Variants in TBC1D4 observed in about 807,000 individuals in gnomAD.
TBC1D4 encodes the protein TBC1 domain family member 4.
A neutral mutation model predicts 142.5 loss-of-function variants in TBC1D4; 121 were observed. The ratio of observed to expected loss-of-function variants is 0.85; its 90% CI spans 0.73 to 0.99. The LOEUF (loss-of-function observed/expected upper bound fraction) is 0.99, where lower values mean the gene tolerates loss of function less well. Ranked by LOEUF, TBC1D4 falls within the 50% of genes least tolerant of loss-of-function variation. TBC1D4 has a pLI of 0.00. For synonymous variants in TBC1D4, 630 were observed against 628.2 expected (o/e 1.00, Z -0.04); for missense variants, 1,475 against 1,606.6 (o/e 0.92, Z 1.40).
intron 12 of TBC1D4, among the ~76,000 whole-genome samples, chr13:75,315,397 TAC>T (rs1555302436): frequency 1.9e-5 from 2 of 103,714 alleles, no homozygotes; most frequent in South Asian, 7.5e-4. Context: ...CATATATATA[TAC>T]ACACATATAT....
chr13:75,402,381 C>T (rs757971440), intron 1 of TBC1D4, among the ~76,000 whole-genome samples: 25 of 152,066 alleles, frequency 1.6e-4, no homozygotes, highest in Non-Finnish European at 2.8e-4. Context: ...CTTAAGCTTT[C>T]GTTGAAACAT....
chr13:75,436,605 C>T (rs925059805), intron 1 of TBC1D4, among the ~76,000 whole-genome samples: 5 of 151,122 alleles, frequency 3.3e-5, no homozygotes, highest in Admixed American at 1.3e-4. Context: ...TGCAAAGAGC[C>T]ATGATTGCAC....
Position 75,292,181 on chromosome 13 carries a change from C to A in TBC1D4, c.3407G>T (p.Ser1136Ile), listed in dbSNP as rs1361012123. Reference sequence around the variant, plus strand: ...AAGAAACTCAACAATATTTTCAAAGCTCTCACATTCCATTATAAGTGTCTC... The same window carrying A: ...AAGAAACTCAACAATATTTTCAAAGATCTCACATTCCATTATAAGTGTCTC... ...SQETLIMECE[S>I]FENIVEFLKN... is the part of the protein sequence containing the mutation. Residue 1136 changes from serine (S) to isoleucine (I), a missense_variant, in exon 19 of 21, where the codon AGC (serine) becomes ATC (isoleucine). Physicochemically the swap from Ser to Ile is moderately radical, Grantham distance 142. Around this residue, in one of 2 missense-constraint regions of TBC1D4, gnomAD observed 248 missense variants for 338.9 expected, o/e 0.73. Transcript: ENST00000377636. 6.2e-7 allele frequency: 1 copy of A among 1,613,360 alleles called. No homozygotes were observed. The highest frequency in any genetic ancestry group is 1.3e-5 in the African/African-American group (1 of 74,896).
At chr13:75,349,758 CA>C (rs1208868714) in intron 4 of TBC1D4, among the ~76,000 whole-genome samples, 4 of 152,078 alleles carry the variant, frequency 2.6e-5, no homozygotes, top group Non-Finnish European at 5.9e-5. Context: ...TAAAAGCAAA[CA>C]AAAAGTGTTA....
At chr13:75,432,636 A>C (rs1886638124) in intron 1 of TBC1D4, among the ~76,000 whole-genome samples, 1 of 152,210 alleles carries the variant, frequency 6.6e-6, no homozygotes, top group Non-Finnish European at 1.5e-5. Context: ...GTTAATACTT[A>C]AACGGAATAA....
chr13:75,455,274 G>T (rs537050656), intron 1 of TBC1D4, among the ~76,000 whole-genome samples: 1 of 152,006 alleles, frequency 6.6e-6, no homozygotes, highest in Non-Finnish European at 1.5e-5. Context: ...CCCCCACTCC[G>T]TACACCTAGA....
intron 1 of TBC1D4, among the ~76,000 whole-genome samples, chr13:75,387,963 C>A (rs1884272213): frequency 1.3e-5 from 2 of 152,214 alleles, no homozygotes; most frequent in African/African-American, 4.8e-5. Context: ...GTGATACTTA[C>A]TGGAATCTCT....
At chr13:75,420,540 A>G (rs1318257259) in intron 1 of TBC1D4, among the ~76,000 whole-genome samples, 1 of 152,200 alleles carries the variant, frequency 6.6e-6, no homozygotes, top group East Asian at 1.9e-4. Flanking sequence ...GGTGAGGCAA[A>G]TAAGCACGAA....
At position 75,285,386 on chromosome 13, in the gene TBC1D4, A is replaced by C. The variant is rs910353763; in HGVS notation, c.*1406T>G. On this transcript the variant is annotated 3_prime_UTR_variant, in exon 21 of 21. Transcript: ENST00000377636. Reference sequence around the variant, plus strand: ...CCATCTGTGAAAATACAAGTACTGCAAAAAGCAGTGAGGATAAATACTTTT... The same window carrying C: ...CCATCTGTGAAAATACAAGTACTGCCAAAAGCAGTGAGGATAAATACTTTT... 1.3e-5 allele frequency: 2 copies of C among 152,244 alleles called. No homozygotes were observed. The highest frequency in any genetic ancestry group is 2.4e-5 in the African/African-American group (1 of 41,466). 9.4% of individuals were successfully genotyped at this position (152,244 alleles called of 1,614,324 possible). A position where few individuals can be genotyped will look rare whatever the true frequency, so the allele number is the denominator to read the frequency against.
At chr13:75,331,243 T>C (rs561385352) in intron 8 of TBC1D4, among the ~76,000 whole-genome samples, 1 of 152,172 alleles carries the variant, frequency 6.6e-6, no homozygotes, top group Admixed American at 6.5e-5. Flanking sequence ...CCTGTAATCC[T>C]AGCACTTTAG....
chr13:75,362,369 G>C lies in TBC1D4; in HGVS notation c.737C>G (p.Pro246Arg). The C allele has an allele frequency of 6.2e-7, 1 of 1,614,184 alleles. No individual in the cohort carries two copies. Among genetic ancestry groups the C allele is most frequent in the Non-Finnish European group, 8.5e-7 (1 of 1,180,030 alleles). Residue 246 changes from proline to arginine, a missense_variant, in exon 2 of 21, where the codon CCG (proline) becomes CGG (arginine). By Grantham distance (103) the Pro-to-Arg change is moderately radical. Coordinates refer to ENST00000377636, the MANE Select transcript of TBC1D4 (RefSeq NM_014832.5). This position sits in a 1 kb window ranked among gnomAD's most constrained non-coding sequence, Gnocchi z 4.2. ...GTCAGCCAGGTCCTCTCCTGGGTCC[G>C]GACCGCGCTGCTCCCCTTGGATCTT... The part of the protein sequence containing the change: ...RLKIQGEQRG[P>R]DPGEDLADLE...
At position 75,362,461 on chromosome 13, in the gene TBC1D4, C is replaced by T; in HGVS notation, c.645G>A (p.Lys215=). ...CATCGATGAGGCTTGAGGGGGCCTT[C>T]TTGTGGGTCACGGTCACCTTTCCAC... ...LYCGKVTVTH[K]KAPSSLIDDC... The change falls in exon 2 of 21, where the codon AAG becomes AAA. Residue 215 remains lysine, a synonymous_variant. Transcript: ENST00000377636. This position sits in a 1 kb window ranked among gnomAD's most constrained non-coding sequence, Gnocchi z 4.2. 2 of 1,614,234 alleles carry T rather than the reference C, an allele frequency of 1.2e-6. No individual in the cohort carries two copies. The highest frequency in any genetic ancestry group is 2.2e-5 in the East Asian group (1 of 44,886).
chr13:75,381,745 G>A (rs184988775), intron 1 of TBC1D4, among the ~76,000 whole-genome samples: 30 of 152,338 alleles, frequency 2.0e-4, no homozygotes, highest in African/African-American at 7.2e-4. Flanking sequence ...GAGGCCCTAA[G>A]TATGCTAGGC....
At chr13:75,290,247 G>A (rs1259261083) in intron 19 of TBC1D4, among the ~76,000 whole-genome samples, 1 of 151,974 alleles carries the variant, frequency 6.6e-6, no homozygotes, top group Non-Finnish European at 1.5e-5. Flanking sequence ...TAGATGTTGA[G>A]ATTTATAGTT....
At chr13:75,313,049 G>C in intron 12 of TBC1D4, 151 bp from the exon 13 acceptor site, 1 of 831,472 alleles carries the variant, frequency 1.2e-6, no homozygotes, top group Non-Finnish European at 2.0e-6. Context: ...AGGCACACTA[G>C]TCACCCAGGC....
chr13:75,391,436 C>G (rs112450382), intron 1 of TBC1D4, among the ~76,000 whole-genome samples: 114 of 152,306 alleles, frequency 7.5e-4, no homozygotes, highest in Non-Finnish European at 1.4e-3. Context: ...ATGACTGCCA[C>G]ATTGCTAAAC....
intron 11 of TBC1D4, among the ~76,000 whole-genome samples, chr13:75,322,496 AAGC>A (rs1878857306): frequency 6.6e-6 from 1 of 152,174 alleles, no homozygotes; most frequent in African/African-American, 2.4e-5. Context: ...ACATACAACT[AAGC>A]AGGAACTCCT....
intron 1 of TBC1D4, among the ~76,000 whole-genome samples, chr13:75,407,935 A>G (rs1885420178): frequency 6.6e-6 from 1 of 152,208 alleles, no homozygotes; most frequent in South Asian, 2.1e-4. Context: ...GAAATCTCAG[A>G]AAATAAGCTA....
chr13:75,443,582 G>T (rs902656334), intron 1 of TBC1D4, among the ~76,000 whole-genome samples: 1 of 152,206 alleles, frequency 6.6e-6, no homozygotes, highest in Non-Finnish European at 1.5e-5. Flanking sequence ...GCAGTCAGAA[G>T]AGACGTCCCA....
Sources: allele counts gnomAD v4.1 joint callset (sites outside exome capture counted in the v4.1 genomes callset), GRCh38; gene constraint gnomAD v4.1.1; regional missense constraint gnomAD v4.1.1; non-coding constraint Gnocchi (gnomAD v3.1); transcripts MANE v1.5; gene names NCBI Gene and HGNC (gene_info 2026-07-23, HGNC 2026-07-21).